Variants in DCAF1 observed in about 807,000 individuals in gnomAD.
DCAF1 encodes DDB1- and CUL4-associated factor 1.
A neutral mutation model predicts 128.0 loss-of-function variants in DCAF1; 15 were observed. That is an observed-to-expected ratio of 0.12 (90% CI 0.08 to 0.18). The LOEUF (loss-of-function observed/expected upper bound fraction) is 0.18, where lower values mean the gene tolerates loss of function less well. DCAF1 is among the 10% of genes least tolerant of loss of function. The pLI is 1.00. For missense variants in DCAF1, 988 were observed against 1,649.5 expected, an observed-to-expected ratio of 0.60 and a Z score of 6.95; for synonymous variants, 610 against 603.0, an observed-to-expected ratio of 1.01 and a Z score of -0.17.
intron 23 of DCAF1, 30 bp downstream of exon 23, chr3:51,412,349 C>G (rs1223504926): frequency 1.2e-6 from 2 of 1,613,166 alleles, no homozygotes; most frequent in South Asian, 1.1e-5. Context: ...AAGCACTGTT[C>G]AGCAGAAAGA....
chr3:51,408,656 C>G (rs2107043687), intron 23 of DCAF1, among the ~76,000 whole-genome samples: 1 of 152,280 alleles, frequency 6.6e-6, no homozygotes, highest in South Asian at 2.1e-4. Flanking sequence ...CAAACTCCAC[C>G]ACAAGATTCT....
chr3:51,447,503 C>A (rs1553640533), intron 6 of DCAF1, among the ~76,000 whole-genome samples: 2 of 152,120 alleles, frequency 1.3e-5, no homozygotes, highest in Non-Finnish European at 2.9e-5. Flanking sequence ...AATATATTTA[C>A]CACGTATTTT....
chr3:51,430,802 C>T (rs544483995), intron 10 of DCAF1, among the ~76,000 whole-genome samples: 2 of 152,246 alleles, frequency 1.3e-5, no homozygotes, highest in Admixed American at 6.5e-5. Flanking sequence ...CAAATTAAAA[C>T]TGATATTATT....
At chr3:51,416,679 T>C in intron 18 of DCAF1, 108 bp downstream of exon 18, 1 of 1,463,616 alleles carries the variant, frequency 6.8e-7, no homozygotes, top group Non-Finnish European at 9.3e-7. Flanking sequence ...GGAATATCAC[T>C]GATTTCTAGT....
At position 51,420,528 on chromosome 3, in the gene DCAF1, T is replaced by C. The variant is rs1699301591; in HGVS notation, c.2442A>G (p.Glu814=). The part of the protein sequence containing the change: ...KFCKYAAELI[E]RVSGKPLLIG... ...TGAGAAGTGGTTTTCCTGACACCCG[T>C]TCAATGAGTTCAGCAGCATACTTGC... Residue 814 remains glutamate, a synonymous_variant, in exon 15 of 25, where the codon GAA becomes GAG. Transcript: ENST00000684031. This position sits in a 1 kb window ranked among gnomAD's most constrained non-coding sequence, Gnocchi z 6.5. The C allele has an allele frequency of 6.2e-7, 1 of 1,613,934 alleles. No individual in the cohort carries two copies. Among genetic ancestry groups the C allele is most frequent in the Non-Finnish European group, 8.5e-7 (1 of 1,179,884 alleles).
upstream of DCAF1, among the ~76,000 whole-genome samples, chr3:51,503,920 G>A (rs1553664838): frequency 6.6e-6 from 1 of 152,140 alleles, no homozygotes; most frequent in South Asian, 2.1e-4. Flanking sequence ...AGCATACCTA[G>A]CCTCTTTTGC....
intron 3 of DCAF1, among the ~76,000 whole-genome samples, chr3:51,475,546 T>C (rs1255816678): frequency 6.6e-6 from 1 of 151,998 alleles, no homozygotes; most frequent in Non-Finnish European, 1.5e-5. Context: ...AATTCAAGGC[T>C]GCAGTAAGCT....
intron 1 of DCAF1, among the ~76,000 whole-genome samples, 189 bp downstream of exon 1, chr3:51,499,684 G>A (rs1467160786): frequency 4.0e-5 from 6 of 151,746 alleles, no homozygotes; most frequent in Non-Finnish European, 5.9e-5. Flanking sequence ...CAAGAATCAG[G>A]AGGAGGAAAA....
chr3:51,494,417 G>A (rs1444792389), intron 2 of DCAF1, among the ~76,000 whole-genome samples: 1 of 151,954 alleles, frequency 6.6e-6, no homozygotes, highest in Non-Finnish European at 1.5e-5. Flanking sequence ...CCCGGCCGAG[G>A]TTTCCTTTTA....
At chr3:51,492,533 C>T (rs775363878) in intron 2 of DCAF1, among the ~76,000 whole-genome samples, 7 of 151,900 alleles carry the variant, frequency 4.6e-5, no homozygotes, top group Non-Finnish European at 8.8e-5. Flanking sequence ...AAAAAAAAGG[C>T]CAAGAAACGC....
At chr3:51,412,876 T>C (rs1366973830) in intron 22 of DCAF1, 117 bp downstream of exon 22, 8 of 1,452,220 alleles carry the variant, frequency 5.5e-6, no homozygotes, top group Non-Finnish European at 6.5e-6. Context: ...ATCAATAATC[T>C]ACCTTCAGGA....
intron 13 of DCAF1, among the ~76,000 whole-genome samples, chr3:51,424,613 A>T (rs112238071): frequency 0.013 from 1,959 of 152,316 alleles, 20 homozygotes; most frequent in South Asian, 0.024. Flanking sequence ...AATAGCCAAA[A>T]AAACCAAACA....
intron 6 of DCAF1, among the ~76,000 whole-genome samples, chr3:51,449,805 C>A (rs560983021): frequency 6.6e-6 from 1 of 152,112 alleles, no homozygotes; most frequent in Non-Finnish European, 1.5e-5. Flanking sequence ...AGAAATGAAA[C>A]AGGCCTCATT....
At chr3:51,474,605 G>C (rs1553649722) in intron 3 of DCAF1, among the ~76,000 whole-genome samples, 2 of 150,102 alleles carry the variant, frequency 1.3e-5, no homozygotes, top group Admixed American at 1.3e-4. Flanking sequence ...TGTTGGTGAT[G>C]GTTTTTTTTT....
At chr3:51,423,937 A>G (rs1376886376) in intron 13 of DCAF1, among the ~76,000 whole-genome samples, 1 of 152,150 alleles carries the variant, frequency 6.6e-6, no homozygotes, top group African/African-American at 2.4e-5. Flanking sequence ...AGAGCACCAT[A>G]TGTGTTAGAG....
intron 17 of DCAF1, 122 bp from the exon 18 acceptor site, chr3:51,416,993 C>G: frequency 6.9e-7 from 1 of 1,439,290 alleles, no homozygotes; most frequent in Non-Finnish European, 9.4e-7. Context: ...ATCCTGGACT[C>G]CCAAAGAGGA....
At chr3:51,449,340 T>C (rs552323703) in intron 6 of DCAF1, among the ~76,000 whole-genome samples, 3 of 152,174 alleles carry the variant, frequency 2.0e-5, no homozygotes, top group Non-Finnish European at 4.4e-5. Flanking sequence ...CCCAAGTAGC[T>C]GGGACTACAG....
upstream of DCAF1, among the ~76,000 whole-genome samples, chr3:51,502,083 A>G (rs782805657): frequency 2.6e-5 from 4 of 152,112 alleles, no homozygotes; most frequent in Admixed American, 6.6e-5. Context: ...GGGACATTTA[A>G]GCCTTGGATA....
chr3:51,481,552 G>A lies in DCAF1; in HGVS notation c.110+2167C>T, dbSNP rs1197423871. ...ACTAAAAAAAACAGAAAAATTAGCC[G>A]AGCATGGTGGCTTATGCCTGTAATC... On this transcript the variant is annotated intron_variant, in intron 3 of 24. Coordinates refer to ENST00000684031, the MANE Select transcript of DCAF1 (RefSeq NM_001387579.1). Among the ~76,000 whole-genome samples the A allele has an allele frequency of 4.0e-5, 6 of 151,888 alleles. 1 individual carries two copies. Among genetic ancestry groups the A allele is most frequent in the East Asian group, 3.9e-4 (2 of 5,160 alleles).
Sources: gnomAD v4.1 joint callset for allele counts (sites outside exome capture counted in the v4.1 genomes callset) on GRCh38, gnomAD v4.1.1 for gene constraint, Gnocchi (gnomAD v3.1) non-coding constraint, MANE v1.5 for transcripts, NCBI Gene and HGNC (gene_info 2026-07-23, HGNC 2026-07-21) for gene names.